Variants in KCNIP4 observed in about 807,000 individuals in gnomAD.
The protein encoded by KCNIP4 is potassium voltage-gated channel interacting protein 4.
KCNIP4 carries 12 observed loss-of-function variants against 34.0 expected under a neutral mutation model. The ratio of observed to expected loss-of-function variants is 0.35; its 90% CI spans 0.23 to 0.57. KCNIP4 has a LOEUF of 0.57. KCNIP4 is among the 20% of genes least tolerant of loss of function. KCNIP4 has a pLI of 0.83. For synonymous variants in KCNIP4, 124 were observed against 102.2 expected, an observed-to-expected ratio of 1.21 and a Z score of -1.29; for missense variants, 238 against 311.7, an observed-to-expected ratio of 0.76 and a Z score of 1.78.
At chr4:21,680,780 T>C (rs924179104) in intron 1 of KCNIP4, among the ~76,000 whole-genome samples, 3 of 152,190 alleles carry the variant, frequency 2.0e-5, no homozygotes, top group Non-Finnish European at 4.4e-5. Flanking sequence ...TTCTAAGCAG[T>C]AGGTGTCAAC....
At chr4:21,469,821 A>C (rs1249523542) in intron 1 of KCNIP4, among the ~76,000 whole-genome samples, 2 of 152,138 alleles carry the variant, frequency 1.3e-5, no homozygotes, top group African/African-American at 2.4e-5. Context: ...AAAAAGCTTA[A>C]AGGGCAGGTG....
At chr4:21,688,438 T>C (rs866002742) in intron 1 of KCNIP4, among the ~76,000 whole-genome samples, 32 of 152,172 alleles carry the variant, frequency 2.1e-4, no homozygotes, top group African/African-American at 7.7e-4. Flanking sequence ...TTCTGTCTTT[T>C]AGAAGATACT....
chr4:21,650,760 A>T (rs1420230858), intron 1 of KCNIP4, among the ~76,000 whole-genome samples: 1 of 152,160 alleles, frequency 6.6e-6, no homozygotes, highest in Non-Finnish European at 1.5e-5. Flanking sequence ...GGCTCTCTTG[A>T]TTACGATTTC....
intron 1 of KCNIP4, among the ~76,000 whole-genome samples, chr4:21,037,312 C>A (rs1252428138): frequency 2.0e-5 from 3 of 152,194 alleles, no homozygotes; most frequent in African/African-American, 7.2e-5. Flanking sequence ...ACTCCCCTGG[C>A]TCACCCAAAA....
intron 1 of KCNIP4, among the ~76,000 whole-genome samples, chr4:21,357,487 C>A (rs184001076): frequency 6.6e-6 from 1 of 152,072 alleles, no homozygotes; most frequent in African/African-American, 2.4e-5. Context: ...AGTCAAACAA[C>A]CCCATCAAAA....
chr4:21,260,177 C>G (rs1034278723), intron 1 of KCNIP4, among the ~76,000 whole-genome samples: 7 of 141,834 alleles, frequency 4.9e-5, no homozygotes, highest in Non-Finnish European at 4.8e-5. Flanking sequence ...AGGAAAGAGT[C>G]TCTGGCTTTA....
At chr4:20,963,884 T>G (rs1734095182) in intron 1 of KCNIP4, among the ~76,000 whole-genome samples, 1 of 152,022 alleles carries the variant, frequency 6.6e-6, no homozygotes, top group South Asian at 2.1e-4. Context: ...CTTTGTTATA[T>G]TTCATCAAGG....
At chr4:21,913,901 A>T (rs571971702) in intron 1 of KCNIP4, among the ~76,000 whole-genome samples, 2 of 152,116 alleles carry the variant, frequency 1.3e-5, no homozygotes, top group Non-Finnish European at 2.9e-5. Flanking sequence ...TAAGTGGGAT[A>T]GTCCAAATAA....
At chr4:21,397,602 G>T (rs1560366045) in intron 1 of KCNIP4, among the ~76,000 whole-genome samples, 2 of 151,990 alleles carry the variant, frequency 1.3e-5, no homozygotes, top group African/African-American at 4.8e-5. Context: ...TTCAAAACAA[G>T]ATATTAAATA....
At chr4:20,821,897 A>T (rs767502204) in intron 3 of KCNIP4, among the ~76,000 whole-genome samples, 13 of 151,620 alleles carry the variant, frequency 8.6e-5, no homozygotes, top group Non-Finnish European at 1.8e-4. Flanking sequence ...TCTCTCTCTC[A>T]CACACACACA....
rs374083407 is a variant in KCNIP4 at position 21,633,529 on chromosome 4, T to C, written c.61+315042A>G. On this transcript the variant is annotated intron_variant, in intron 1 of 8. Transcript: ENST00000382152. ...GCATTGAAGATAGCCAACCTGAACA[T>C]CCACTTAGACAATTAAATGAGAGAG... 1.7e-3 allele frequency among the ~76,000 whole-genome samples: 262 copies of C among 152,262 alleles called. 10 individuals are homozygous for C. The South Asian group carries it at 0.047, about 28-fold the overall frequency.
chr4:21,744,195 C>T (rs779618633), intron 1 of KCNIP4, among the ~76,000 whole-genome samples: 1 of 152,196 alleles, frequency 6.6e-6, no homozygotes, highest in Non-Finnish European at 1.5e-5. Flanking sequence ...ACAATCTATA[C>T]AGTGAGGACT....
intron 1 of KCNIP4, among the ~76,000 whole-genome samples, chr4:21,916,803 G>A (rs1027393466): frequency 6.6e-6 from 1 of 152,128 alleles, no homozygotes; most frequent in Admixed American, 6.6e-5. Flanking sequence ...CAGAATTGGG[G>A]CCAATCAAGA....
rs1724459031 is a variant in KCNIP4 at position 21,411,128 on chromosome 4, T to G, written c.62-528419A>C. Among the ~76,000 whole-genome samples, 7 of 152,122 alleles carry G rather than the reference T, an allele frequency of 4.6e-5. No homozygotes were observed. In the South Asian group the frequency reaches 1.5e-3, roughly 32 times the overall value. On this transcript the variant is annotated intron_variant, in intron 1 of 8. Coordinates refer to ENST00000382152, the MANE Select transcript of KCNIP4 (RefSeq NM_025221.6). ...AATTGGTGCTGCCTTAGAGAAAAAT[T>G]TTTAGGTGCTTAGGAAGAGAGGTTC...
At position 20,950,031 on chromosome 4, in the gene KCNIP4, A is replaced by T. The variant is rs575658569; in HGVS notation, c.62-67322T>A. ...AATAATAAATAAATAAATAAATAAA[A>T]AAGAAAATGAAAAGGAAAGGAAATC... On this transcript the variant is annotated intron_variant, in intron 1 of 8. Transcript: ENST00000382152. Among the ~76,000 whole-genome samples the T allele has an allele frequency of 1.4e-3, 208 of 151,456 alleles. 1 individual carries two copies. The highest frequency in any genetic ancestry group is 4.5e-3 in the African/African-American group (188 of 41,494).
intron 1 of KCNIP4, among the ~76,000 whole-genome samples, chr4:21,235,710 G>A (rs543606239): frequency 6.6e-6 from 1 of 152,276 alleles, no homozygotes; most frequent in East Asian, 1.9e-4. Context: ...ACTTCTATGA[G>A]GCAAGGATTT....
chr4:20,947,022 A>T (rs937990117), intron 1 of KCNIP4, among the ~76,000 whole-genome samples: 4 of 152,070 alleles, frequency 2.6e-5, no homozygotes, highest in Non-Finnish European at 5.9e-5. Flanking sequence ...CCTCTTCTTG[A>T]GCCTCTCTCT....
At position 21,453,400 on chromosome 4, in the gene KCNIP4, T is replaced by C. The variant is rs570775976; in HGVS notation, c.61+495171A>G. Among the ~76,000 whole-genome samples, 4 of 152,238 alleles carry C rather than the reference T, an allele frequency of 2.6e-5. No homozygotes were observed. The South Asian group carries it at 8.3e-4, about 32-fold the overall frequency. On this transcript the variant is annotated intron_variant, in intron 1 of 8. Transcript: ENST00000382152. ...GCAATCTTAAAATATGGGTTTTATTTACCTCATATTACAGGTGAGGAAACT... is the reference window on the plus strand; with the variant it reads ...GCAATCTTAAAATATGGGTTTTATTCACCTCATATTACAGGTGAGGAAACT...
intron 1 of KCNIP4, among the ~76,000 whole-genome samples, chr4:20,982,531 A>T (rs1356401933): frequency 6.6e-6 from 1 of 152,246 alleles, no homozygotes; most frequent in East Asian, 1.9e-4. Context: ...TGAGGTTTTA[A>T]TCCCATTACA....
Sources: gnomAD v4.1 joint callset for allele counts (sites outside exome capture counted in the v4.1 genomes callset) on GRCh38, gnomAD v4.1.1 for gene constraint, MANE v1.5 for transcripts, NCBI Gene and HGNC (gene_info 2026-07-23, HGNC 2026-07-21) for gene names.